The following SGCZ variants were observed in gnomAD, a reference collection of about 807,000 sequenced individuals.
SGCZ encodes zeta-sarcoglycan.
Under a neutral mutation model 41.3 loss-of-function variants are expected in SGCZ, and 40 were observed. The observed-to-expected ratio is 0.97, with a 90% CI of 0.75 to 1.26. SGCZ has a LOEUF of 1.26. Ranked by LOEUF, SGCZ falls within the 50% of genes most tolerant of loss-of-function variation. The probability of loss-of-function intolerance (pLI) is 0.00; values close to 1 mark genes in which losing one functional copy is unlikely to be tolerated. For synonymous variants in SGCZ, 206 were observed against 137.5 expected (o/e 1.50, Z -3.49); for missense variants, 552 against 369.8 (o/e 1.49, Z -4.04).
chr8:15,192,896 TA>T (rs1156686929), intron 1 of SGCZ, among the ~76,000 whole-genome samples: 4 of 152,020 alleles, frequency 2.6e-5, no homozygotes, highest in African/African-American at 9.7e-5. Context: ...AAGGAACATT[TA>T]AAAAAATATA....
intron 1 of SGCZ, among the ~76,000 whole-genome samples, chr8:14,954,715 G>T (rs1014701070): frequency 6.6e-6 from 1 of 152,058 alleles, no homozygotes; most frequent in Non-Finnish European, 1.5e-5. Flanking sequence ...TAAAACCTCA[G>T]ACTGTTTGGA....
At chr8:14,928,770 G>C (rs1274204613) in intron 1 of SGCZ, among the ~76,000 whole-genome samples, 2 of 152,116 alleles carry the variant, frequency 1.3e-5, no homozygotes, top group African/African-American at 4.8e-5. Flanking sequence ...ATTTCTACAG[G>C]TAGGAATTGT....
intron 1 of SGCZ, among the ~76,000 whole-genome samples, chr8:14,896,361 A>G (rs898434943): frequency 6.6e-6 from 1 of 152,182 alleles, no homozygotes; most frequent in African/African-American, 2.4e-5. Context: ...GCCTAATGGC[A>G]CTGACTCTGG....
At chr8:14,790,882 T>C (rs1800928227) in intron 1 of SGCZ, among the ~76,000 whole-genome samples, 1 of 151,728 alleles carries the variant, frequency 6.6e-6, no homozygotes, top group Non-Finnish European at 1.5e-5. Context: ...AATACAAAAA[T>C]TTGCGCAGGG....
Position 15,188,195 on chromosome 8 carries a change from G to T in SGCZ, c.39+49390C>A, listed in dbSNP as rs375489401. ...ATTCATTGGAGTATTGTATCAAGTG[G>T]GATTTCTACAAGTCAAATAAAATAA... On this transcript the variant is annotated intron_variant, in intron 1 of 7. Transcript: ENST00000382080. 1.1e-3 allele frequency among the ~76,000 whole-genome samples: 165 copies of T among 151,878 alleles called. No homozygotes were observed. In the Middle Eastern group the frequency reaches 0.017, roughly 16 times the overall value.
At chr8:14,974,257 T>C (rs952618926) in intron 1 of SGCZ, among the ~76,000 whole-genome samples, 27 of 152,212 alleles carry the variant, frequency 1.8e-4, no homozygotes, top group Non-Finnish European at 1.9e-4. Context: ...TAAGTTCTTA[T>C]GTAAAACAGA....
At chr8:14,702,942 TA>T (rs1809212327) in intron 1 of SGCZ, among the ~76,000 whole-genome samples, 2 of 126,790 alleles carry the variant, frequency 1.6e-5, no homozygotes, top group Non-Finnish European at 3.3e-5. Context: ...GATAGATAGA[TA>T]GATAGATAGA....
At position 15,207,435 on chromosome 8, in the gene SGCZ, G is replaced by A. The variant is rs558996779; in HGVS notation, c.39+30150C>T. ...GGAGGACAGAAAGGATCTGGTGAAA[G>A]AGACAAAAGAATAATCAAAGAAACA... On this transcript the variant is annotated intron_variant, in intron 1 of 7. Transcript: ENST00000382080. 3.9e-5 allele frequency among the ~76,000 whole-genome samples: 6 copies of A among 152,302 alleles called. 1 individual carries two copies. In the South Asian group the frequency reaches 1.0e-3, roughly 26 times the overall value.
chr8:14,107,522 C>A (rs571682428), intron 6 of SGCZ, among the ~76,000 whole-genome samples: 6 of 152,154 alleles, frequency 3.9e-5, no homozygotes, highest in African/African-American at 1.4e-4. Context: ...TATAATACTC[C>A]GTGGTCATTT....
intron 1 of SGCZ, among the ~76,000 whole-genome samples, chr8:14,944,989 A>G (rs1311453229): frequency 6.6e-6 from 1 of 152,116 alleles, no homozygotes; most frequent in Non-Finnish European, 1.5e-5. Context: ...TCATAAGTGG[A>G]AGACATAAGC....
At chr8:14,845,571 G>A (rs1362503469) in intron 1 of SGCZ, among the ~76,000 whole-genome samples, 1 of 152,218 alleles carries the variant, frequency 6.6e-6, no homozygotes, top group South Asian at 2.1e-4. Context: ...AGAATTTGTA[G>A]ACAGAAACAC....
intron 1 of SGCZ, among the ~76,000 whole-genome samples, chr8:14,614,779 G>GA (rs1283792020): frequency 6.6e-6 from 1 of 152,016 alleles, no homozygotes; most frequent in Non-Finnish European, 1.5e-5. Flanking sequence ...AGTGGTGGGG[G>GA]ATACATTTGA....
At chr8:14,826,140 C>G (rs1278975647) in intron 1 of SGCZ, among the ~76,000 whole-genome samples, 1 of 148,228 alleles carries the variant, frequency 6.7e-6, no homozygotes, top group Admixed American at 6.8e-5. Flanking sequence ...GTGTCCATGC[C>G]TTCTCATTGT....
At chr8:14,541,677 T>C (rs1366340703) in intron 2 of SGCZ, among the ~76,000 whole-genome samples, 7 of 152,238 alleles carry the variant, frequency 4.6e-5, no homozygotes, top group African/African-American at 1.7e-4. Flanking sequence ...AAATGGTAGT[T>C]CTGATTCTAG....
At chr8:15,049,266 T>A (rs1289363516) in intron 1 of SGCZ, among the ~76,000 whole-genome samples, 1 of 152,078 alleles carries the variant, frequency 6.6e-6, no homozygotes, top group Non-Finnish European at 1.5e-5. Flanking sequence ...GATGAGCATT[T>A]AAGGGAGGAA....
At chr8:14,192,345 T>C (rs1030904587) in intron 4 of SGCZ, among the ~76,000 whole-genome samples, 3 of 151,944 alleles carry the variant, frequency 2.0e-5, no homozygotes, top group African/African-American at 4.8e-5. Context: ...AATATTCTTA[T>C]CTAACCTGAA....
chr8:15,158,685 A>T (rs1393509995), intron 1 of SGCZ, among the ~76,000 whole-genome samples: 1 of 152,224 alleles, frequency 6.6e-6, no homozygotes, highest in Non-Finnish European at 1.5e-5. Flanking sequence ...CTTTGAATAT[A>T]AATAGTGAGG....
intron 1 of SGCZ, among the ~76,000 whole-genome samples, chr8:14,688,225 T>C (rs1172330823): frequency 2.0e-5 from 3 of 152,214 alleles, no homozygotes; most frequent in African/African-American, 7.2e-5. Context: ...AACTTTGGCT[T>C]TTGTTGCCAT....
intron 7 of SGCZ, among the ~76,000 whole-genome samples, chr8:14,094,195 A>C (rs1801773884): frequency 6.6e-6 from 1 of 152,032 alleles, no homozygotes; most frequent in African/African-American, 2.4e-5. Flanking sequence ...CAGAATATGC[A>C]GGTTTGTTAC....
Sources: allele counts gnomAD v4.1 joint callset (sites outside exome capture counted in the v4.1 genomes callset), GRCh38; gene constraint gnomAD v4.1.1; transcripts MANE v1.5; gene names NCBI Gene and HGNC (gene_info 2026-07-23, HGNC 2026-07-21).